SUGCT: variants seen among roughly 807,000 people sequenced by gnomAD.
The protein encoded by SUGCT is succinyl-CoA:glutarate-CoA transferase.
SUGCT carries 41 observed loss-of-function variants against 55.0 expected under a neutral mutation model. The ratio of observed to expected loss-of-function variants is 0.74; its 90% CI spans 0.58 to 0.97. SUGCT has a LOEUF of 0.97. SUGCT is among the 50% of genes least tolerant of loss of function. The probability of loss-of-function intolerance (pLI) is 0.00; values close to 1 mark genes in which losing one functional copy is unlikely to be tolerated. For synonymous variants in SUGCT, 187 were observed against 200.4 expected (o/e 0.93, Z 0.56); for missense variants, 568 against 547.8 (o/e 1.04, Z -0.37).
rs1785569244 is a variant in SUGCT, at chr7:40,393,726, GT to G, written c.817-55560del. ...TAAGTAGAGGATGGACCTTGCACGG[GT>G]CTACAGACCCATTTCTTTCCTGAAG... On this transcript the variant is annotated intron_variant, in intron 9 of 13. Coordinates refer to ENST00000335693, the MANE Select transcript of SUGCT (RefSeq NM_001193313.2). 2.0e-5 allele frequency among the ~76,000 whole-genome samples: 3 copies of G among 152,258 alleles called. No homozygotes were observed. In the South Asian group the frequency reaches 6.2e-4, roughly 32 times the overall value.
At chr7:40,732,048 C>T (rs896007849) in intron 12 of SUGCT, among the ~76,000 whole-genome samples, 1 of 152,184 alleles carries the variant, frequency 6.6e-6, no homozygotes, top group African/African-American at 2.4e-5. Context: ...GCTGCTGTAA[C>T]AAATTACTAC....
intron 8 of SUGCT, among the ~76,000 whole-genome samples, chr7:40,291,977 C>T (rs952738114): frequency 2.0e-5 from 3 of 152,096 alleles, no homozygotes; most frequent in Non-Finnish European, 4.4e-5. Context: ...TTAGCCCATG[C>T]GGAGTGATTT....
In SUGCT at chr7:40,852,627, T is replaced by G. The variant is rs188007034; in HGVS notation, c.1154-7689T>G. 5.7e-3 allele frequency among the ~76,000 whole-genome samples: 857 copies of G among 151,340 alleles called. 8 individuals carry two copies. The highest frequency in any genetic ancestry group is 0.02 in the African/African-American group (811 of 41,158). Reference sequence around the variant, plus strand: ...TAGATCATTTTTTTTTTTCAATTCCTTGAACATCAGTCTTGTTCATGCTGC... The same window carrying G: ...TAGATCATTTTTTTTTTTCAATTCCGTGAACATCAGTCTTGTTCATGCTGC... On this transcript the variant is annotated intron_variant, in intron 13 of 13. Transcript: ENST00000335693.
the SUGCT span, among the ~76,000 whole-genome samples, chr7:40,976,860 T>C: frequency 3.3e-5 from 5 of 152,210 alleles, no homozygotes; most frequent in African/African-American, 7.2e-5. Context: ...TTCAATGAGA[T>C]AGTTACTTGA....
chr7:40,821,408 T>G (rs1191900162), intron 13 of SUGCT, among the ~76,000 whole-genome samples: 4 of 152,158 alleles, frequency 2.6e-5, no homozygotes, highest in Admixed American at 2.0e-4. Flanking sequence ...CTTTTTTTGG[T>G]TGGTAGGCTA....
At chr7:40,815,245 A>T (rs1791608779) in intron 13 of SUGCT, among the ~76,000 whole-genome samples, 1 of 152,228 alleles carries the variant, frequency 6.6e-6, no homozygotes, top group African/African-American at 2.4e-5. Flanking sequence ...GATGGCAGGC[A>T]TGAGCACCAG....
At chr7:40,737,327 T>C (rs1000998650) in intron 12 of SUGCT, among the ~76,000 whole-genome samples, 1 of 152,210 alleles carries the variant, frequency 6.6e-6, no homozygotes, top group Non-Finnish European at 1.5e-5. Context: ...GATGGAGATA[T>C]CTGATTCAAT....
At chr7:41,015,482 C>G in the SUGCT span, among the ~76,000 whole-genome samples, 1 of 152,142 alleles carries the variant, frequency 6.6e-6, no homozygotes, top group Non-Finnish European at 1.5e-5. Context: ...ACACCAGAAT[C>G]TTTGAAAGTA....
chr7:40,508,863 T>C (rs1298698080), intron 12 of SUGCT, among the ~76,000 whole-genome samples: 5 of 152,198 alleles, frequency 3.3e-5, no homozygotes, highest in African/African-American at 1.2e-4. Context: ...TATTTTACTC[T>C]GAGCTTGGTG....
intron 13 of SUGCT, among the ~76,000 whole-genome samples, chr7:40,842,614 C>T (rs1793332169): frequency 6.6e-6 from 1 of 152,160 alleles, no homozygotes; most frequent in African/African-American, 2.4e-5. Context: ...ATTTATTGAG[C>T]ATGTTAATTT....
At chr7:40,584,991 A>G (rs912547174) in intron 12 of SUGCT, among the ~76,000 whole-genome samples, 1 of 152,204 alleles carries the variant, frequency 6.6e-6, no homozygotes, top group African/African-American at 2.4e-5. Flanking sequence ...TTTTCAAAAC[A>G]TTTAAACTGG....
At chr7:40,828,576 TAAAA>T (rs11419901) in intron 13 of SUGCT, among the ~76,000 whole-genome samples, 2 of 89,958 alleles carry the variant, frequency 2.2e-5, no homozygotes, top group African/African-American at 4.5e-5. Flanking sequence ...CTTGCTACAG[TAAAA>T]AAAAAAAAAA....
the SUGCT span, among the ~76,000 whole-genome samples, chr7:40,930,875 G>T: frequency 6.6e-6 from 1 of 152,082 alleles, no homozygotes; most frequent in South Asian, 2.1e-4. Context: ...AAACAGGGAC[G>T]ATTTGACTTC....
intron 13 of SUGCT, among the ~76,000 whole-genome samples, chr7:40,780,778 T>C (rs996031099): frequency 4.4e-5 from 6 of 135,826 alleles, no homozygotes; most frequent in African/African-American, 1.0e-4. Flanking sequence ...TCTTCTTCTT[T>C]TTTTTTTTTT....
At chr7:40,548,485 A>G (rs1390944135) in intron 12 of SUGCT, among the ~76,000 whole-genome samples, 3 of 152,082 alleles carry the variant, frequency 2.0e-5, no homozygotes, top group South Asian at 2.1e-4. Flanking sequence ...TGCATGAACT[A>G]TGGCACCCAA....
intron 7 of SUGCT, among the ~76,000 whole-genome samples, chr7:40,250,192 G>A (rs1188264300): frequency 6.6e-6 from 1 of 151,984 alleles, no homozygotes; most frequent in Non-Finnish European, 1.5e-5. Flanking sequence ...CAGCTCAGGA[G>A]TTCGAGACCA....
At chr7:40,887,464 C>G in the SUGCT span, among the ~76,000 whole-genome samples, 1 of 152,132 alleles carries the variant, frequency 6.6e-6, no homozygotes, top group Non-Finnish European at 1.5e-5. Flanking sequence ...AACATAGAAT[C>G]ACAGAGCTCA....
At chr7:40,413,928 G>T (rs1411974543) in intron 9 of SUGCT, among the ~76,000 whole-genome samples, 2 of 152,160 alleles carry the variant, frequency 1.3e-5, no homozygotes, top group Non-Finnish European at 1.5e-5. Context: ...ACTTGGGAAA[G>T]TGTCTTTCCA....
At chr7:40,791,589 T>G (rs1461977803) in intron 13 of SUGCT, among the ~76,000 whole-genome samples, 1 of 152,284 alleles carries the variant, frequency 6.6e-6, no homozygotes, top group Admixed American at 6.5e-5. Flanking sequence ...GATGATAGTT[T>G]GAGGAACAAA....
Sources: allele counts gnomAD v4.1 joint callset (sites outside exome capture counted in the v4.1 genomes callset), GRCh38; gene constraint gnomAD v4.1.1; transcripts MANE v1.5; gene names NCBI Gene and HGNC (gene_info 2026-07-23, HGNC 2026-07-21).